Variants in FBXW10B observed in about 807,000 individuals in gnomAD.
FBXW10B encodes F-box and WD repeat domain containing protein 10B.
chr17:15,573,268 AT>A, the FBXW10B span: 6 of 152,238 alleles, frequency 3.9e-5, no homozygotes, highest in African/African-American at 1.4e-4. Flanking sequence ...ACAGAAATAC[AT>A]TTCTGTTTAG....
the FBXW10B span, among the ~76,000 whole-genome samples, chr17:15,598,011 T>C: frequency 6.6e-6 from 1 of 152,220 alleles, no homozygotes; most frequent in Non-Finnish European, 1.5e-5. Context: ...TCATTTCTGC[T>C]AGGTTAGCCC....
the FBXW10B span, among the ~76,000 whole-genome samples, chr17:15,568,446 C>T: frequency 6.6e-6 from 1 of 152,188 alleles, no homozygotes; most frequent in African/African-American, 2.4e-5. Flanking sequence ...CCAAGGATTA[C>T]TTCTCAGGGA....
the FBXW10B span, chr17:15,574,072 C>A: frequency 1.4e-6 from 1 of 701,382 alleles, no homozygotes; most frequent in Non-Finnish European, 2.6e-6. Context: ...GTCTCGTCTT[C>A]TTCATCTGGT....
the FBXW10B span, among the ~76,000 whole-genome samples, chr17:15,585,550 A>G: frequency 5.9e-5 from 9 of 152,344 alleles, 1 homozygote; most frequent in African/African-American, 1.9e-4. Context: ...AGACGGCAGA[A>G]GGAGCCAAAT....
the FBXW10B span, among the ~76,000 whole-genome samples, chr17:15,610,331 G>C: frequency 3.9e-5 from 6 of 152,182 alleles, no homozygotes; most frequent in Non-Finnish European, 8.8e-5. Flanking sequence ...GGGTGGGAGA[G>C]TTTATCAGAT....
the FBXW10B span, among the ~76,000 whole-genome samples, chr17:15,608,683 A>G: frequency 4.1e-5 from 6 of 146,228 alleles, no homozygotes; most frequent in African/African-American, 1.3e-4. Context: ...CGAACTCCTG[A>G]CCTCACGTGA....
chr17:15,574,018 T>G, the FBXW10B span: 1 of 639,778 alleles, frequency 1.6e-6, no homozygotes, highest in Admixed American at 2.7e-5. Flanking sequence ...TGCTGATTCC[T>G]GCCAGCAGTC....
chr17:15,601,639 A>G, the FBXW10B span, among the ~76,000 whole-genome samples: 1 of 152,190 alleles, frequency 6.6e-6, no homozygotes, highest in East Asian at 1.9e-4. Flanking sequence ...AATACACAGG[A>G]CTTTTATGAA....
At chr17:15,594,713 C>G in the FBXW10B span, 11 of 1,610,680 alleles carry the variant, frequency 6.8e-6, no homozygotes, top group African/African-American at 1.3e-4. Context: ...GGGAAGGACA[C>G]CAGGTTCATC....
chr17:15,595,942 G>A, the FBXW10B span, among the ~76,000 whole-genome samples: 1 of 139,910 alleles, frequency 7.1e-6, no homozygotes, highest in Non-Finnish European at 1.5e-5. Flanking sequence ...TGAGACGCAT[G>A]ATCTCAGCTC....
the FBXW10B span, chr17:15,619,103 G>T: frequency 6.2e-7 from 1 of 1,613,866 alleles, no homozygotes; most frequent in Non-Finnish European, 8.5e-7. Context: ...CAGTAAGAGA[G>T]TATAATTCGC....
chr17:15,579,146 A>AAAATAAATAAATAAATAAATAAATAAAT, the FBXW10B span, among the ~76,000 whole-genome samples: 2 of 144,852 alleles, frequency 1.4e-5, no homozygotes, highest in Admixed American at 6.7e-5. Flanking sequence ...CCCATTTCTT[A>AAAATAAATAAATAAATAAATAAATAAAT]AAATAAATAA....
At chr17:15,595,349 TAAAGAAAAAAAGA>T in the FBXW10B span, among the ~76,000 whole-genome samples, 1 of 147,632 alleles carries the variant, frequency 6.8e-6, no homozygotes, top group South Asian at 2.2e-4. Context: ...AAAAAATAAA[TAAAGAAAAAAAGA>T]AAAGAAAAAA....
At chr17:15,610,074 C>A in the FBXW10B span, among the ~76,000 whole-genome samples, 2 of 151,964 alleles carry the variant, frequency 1.3e-5, no homozygotes, top group Admixed American at 1.3e-4. Flanking sequence ...GTTGGCCAGG[C>A]TGGCCTTGAA....
the FBXW10B span, among the ~76,000 whole-genome samples, chr17:15,603,592 TAAG>T: frequency 6.6e-6 from 1 of 152,010 alleles, no homozygotes; most frequent in Admixed American, 6.6e-5. Context: ...TGAGAATATA[TAAG>T]AAGAGATATT....
the FBXW10B span, chr17:15,589,301 G>C: frequency 1.9e-6 from 3 of 1,557,750 alleles, no homozygotes; most frequent in African/African-American, 4.1e-5. Flanking sequence ...TTCCCTTGTA[G>C]GGAATGTCTG....
At chr17:15,610,938 TCA>T in the FBXW10B span, among the ~76,000 whole-genome samples, 2 of 152,080 alleles carry the variant, frequency 1.3e-5, no homozygotes, top group Non-Finnish European at 2.9e-5. Context: ...TCTCTGCGCC[TCA>T]GTTTCTTTAT....
the FBXW10B span, among the ~76,000 whole-genome samples, chr17:15,594,211 G>A: frequency 3.9e-5 from 6 of 151,934 alleles, no homozygotes; most frequent in African/African-American, 7.2e-5. Flanking sequence ...GGTGGCTCAC[G>A]CCTGTAATCC....
chr17:15,588,067 G>A, the FBXW10B span, among the ~76,000 whole-genome samples: 3 of 152,324 alleles, frequency 2.0e-5, no homozygotes, highest in Admixed American at 1.3e-4. Flanking sequence ...TCTACTTTTA[G>A]AAGTTGGCTC....
Sources: gnomAD v4.1 joint callset for allele counts (sites outside exome capture counted in the v4.1 genomes callset) on GRCh38, gnomAD v4.1.1 for gene constraint, MANE v1.5 for transcripts, NCBI Gene and HGNC (gene_info 2026-07-23, HGNC 2026-07-21) for gene names.